F8: variants seen among roughly 807,000 people sequenced by gnomAD.
The protein encoded by F8 is coagulation factor VIII, also known as antihemophilic factor.
Under a neutral mutation model 140.6 loss-of-function variants are expected in F8, and 12 were observed. That is an observed-to-expected ratio of 0.09 (90% CI 0.05 to 0.14). The LOEUF (loss-of-function observed/expected upper bound fraction) is 0.14. F8 is among the 10% of genes least tolerant of loss of function. The pLI is 1.00. For missense variants in F8, 1,354 were observed against 1,720.7 expected, an observed-to-expected ratio of 0.79 and a Z score of 3.77; for synonymous variants, 585 against 614.6, an observed-to-expected ratio of 0.95 and a Z score of 0.71.
At chrX:154,943,924 T>A (rs1320338587) in intron 13 of F8, among the ~76,000 whole-genome samples, 1 of 111,825 alleles carries the variant, frequency 8.9e-6, no homozygotes, top group African/African-American at 3.3e-5. Flanking sequence ...GGGGAAAGGA[T>A]TCCCTATTTA....
At chrX:154,990,242 T>C (rs1212562897) in intron 4 of F8, among the ~76,000 whole-genome samples, 2 of 112,127 alleles carry the variant, frequency 1.8e-5, no homozygotes, top group Admixed American at 9.5e-5. Context: ...GCTTCTTCTC[T>C]CTGATTTTCA....
chrX:154,986,751 T>A (rs1268938637), intron 5 of F8, among the ~76,000 whole-genome samples: 1 of 111,301 alleles, frequency 9.0e-6, no homozygotes, highest in African/African-American at 3.3e-5. Context: ...GATTACATAG[T>A]GATTACATTA....
intron 18 of F8, 109 bp from the exon 19 acceptor site, chrX:154,902,276 CCA>C: frequency 3.3e-6 from 2 of 606,149 alleles, no homozygotes; most frequent in Non-Finnish European, 5.7e-6. Context: ...TTTGGTAGTT[CCA>C]CTACTTTTGG....
intron 22 of F8, among the ~76,000 whole-genome samples, chrX:154,866,656 A>C (rs1476556245): frequency 8.9e-6 from 1 of 111,777 alleles, no homozygotes; most frequent in Non-Finnish European, 1.9e-5. Flanking sequence ...AAGAAACCAA[A>C]ATCTTGATAA....
intron 13 of F8, among the ~76,000 whole-genome samples, chrX:154,938,932 T>C (rs1261101727): frequency 9.0e-6 from 1 of 110,644 alleles, no homozygotes; most frequent in Admixed American, 9.6e-5. Context: ...ACAATAATAA[T>C]GTCTTATGGG....
chrX:154,849,009 T>C (rs1411869809), intron 25 of F8, among the ~76,000 whole-genome samples: 2 of 111,807 alleles, frequency 1.8e-5, no homozygotes, highest in Non-Finnish European at 1.9e-5. Flanking sequence ...TGTTAATTGT[T>C]CTATTTCTAT....
chrX:154,840,623 T>C (rs2072512714), intron 25 of F8, among the ~76,000 whole-genome samples: 1 of 112,360 alleles, frequency 8.9e-6, no homozygotes, highest in South Asian at 3.6e-4. Flanking sequence ...ATTCCTAAGT[T>C]CTCACTGACA....
intron 25 of F8, among the ~76,000 whole-genome samples, chrX:154,855,648 ATC>A (rs2072645890): frequency 9.0e-6 from 1 of 111,131 alleles, no homozygotes; most frequent in African/African-American, 3.3e-5. Flanking sequence ...TGGTGGCAGT[ATC>A]TCTACTCCAG....
intron 24 of F8, among the ~76,000 whole-genome samples, chrX:154,860,842 G>A (rs1188962082): frequency 1.8e-5 from 2 of 110,856 alleles, no homozygotes; most frequent in Admixed American, 9.6e-5. Flanking sequence ...GTGGTTACAG[G>A]TGCCCACCAC....
chrX:154,904,586 T>C (rs782004937), intron 16 of F8, 62 bp from the exon 17 acceptor site: 1 of 1,031,202 alleles, frequency 9.7e-7, no homozygotes, highest in African/African-American at 1.9e-5. Context: ...CCAGAGTGGA[T>C]TTCTCATCAA....
chrX:154,930,944 G>T lies in F8; in HGVS notation c.2846C>A (p.Thr949Asn). Residue 949 changes from threonine to asparagine, a missense_variant, in exon 14 of 26, where the codon ACT (threonine) becomes AAT (asparagine). This residue lies in a region of F8 where 658 missense variants were observed against 666.5 expected (regional missense o/e 0.99). Coordinates refer to ENST00000360256, the MANE Select transcript of F8 (RefSeq NM_000132.4). ...CAAGCTCAGAGGTCCACCAGACTCA[G>T]TAAGGGGAGATGACTTTTTGCCAAA... ...TLFGKKSSPL[T>N]ESGGPLSLSE... 8.4e-7 allele frequency: 1 copy of T among 1,196,073 alleles called. No individual in the cohort carries two copies. The highest frequency in any genetic ancestry group is 1.1e-6 in the Non-Finnish European group (1 of 888,790).
intron 3 of F8, among the ~76,000 whole-genome samples, chrX:154,995,244 G>A (rs1454436807): frequency 1.8e-5 from 2 of 111,897 alleles, no homozygotes; most frequent in Non-Finnish European, 3.8e-5. Context: ...AGGGGCGGGA[G>A]CACATGTTGG....
chrX:154,938,372 G>A (rs1315623843), intron 13 of F8, among the ~76,000 whole-genome samples: 3 of 111,403 alleles, frequency 2.7e-5, no homozygotes, highest in Non-Finnish European at 5.7e-5. Flanking sequence ...TGGTGCTAGA[G>A]CAATTAAATA....
At chrX:155,005,989 C>A (rs782239072) in intron 1 of F8, among the ~76,000 whole-genome samples, 2 of 111,179 alleles carry the variant, frequency 1.8e-5, no homozygotes, top group African/African-American at 6.6e-5. Flanking sequence ...TCCAGAGGAT[C>A]CCCCTCCTAT....
chrX:154,948,836 T>C (rs1461655216), intron 12 of F8, among the ~76,000 whole-genome samples: 4 of 112,053 alleles, frequency 3.6e-5, no homozygotes, highest in Non-Finnish European at 7.5e-5. Context: ...AATTAATAAT[T>C]GAAGTTTTTT....
At chrX:155,007,425 A>G (rs782543611) in intron 1 of F8, among the ~76,000 whole-genome samples, 5 of 111,985 alleles carry the variant, frequency 4.5e-5, no homozygotes, top group East Asian at 5.6e-4. Context: ...TGTTGCCACC[A>G]AAGTCCAACC....
chrX:154,873,003 T>G (rs949392886), intron 22 of F8, among the ~76,000 whole-genome samples: 1 of 110,766 alleles, frequency 9.0e-6, no homozygotes, highest in Non-Finnish European at 1.9e-5. Context: ...ACAATGAAAA[T>G]ATAGAAAACA....
At chrX:154,925,613 A>G (rs1207141446) in intron 14 of F8, among the ~76,000 whole-genome samples, 1 of 112,708 alleles carries the variant, frequency 8.9e-6, no homozygotes, top group Admixed American at 9.3e-5. Flanking sequence ...AGATCACTTT[A>G]GAGATTTAAG....
rs139963714 is a variant in F8, at chrX:154,923,531, A to G, written c.5219+5040T>C. ...TAGTGAATAAGTCTCATGAGAACTG[A>G]TGGTTTTAAAAAGAAGAGTTTTTGG... is the stretch of plus-strand genomic sequence containing the variant. On this transcript the variant is annotated intron_variant, in intron 14 of 25. Transcript: ENST00000360256. 6.5e-3 allele frequency among the ~76,000 whole-genome samples: 731 copies of G among 111,823 alleles called. 10 individuals are homozygous for G. The highest frequency in any genetic ancestry group is 0.023 in the African/African-American group (694 of 30,732).
Sources: gnomAD v4.1 joint callset for allele counts (sites outside exome capture counted in the v4.1 genomes callset) on GRCh38, gnomAD v4.1.1 for gene constraint, gnomAD v4.1.1 regional missense constraint, MANE v1.5 for transcripts, NCBI Gene and HGNC (gene_info 2026-07-23, HGNC 2026-07-21) for gene names.